ZFHX4: variants seen among roughly 807,000 people sequenced by gnomAD.
ZFHX4 encodes zinc finger homeobox protein 4.
A neutral mutation model predicts 267.6 loss-of-function variants in ZFHX4; 56 were observed. That is an observed-to-expected ratio of 0.21 (90% confidence interval 0.17 to 0.26). The LOEUF (loss-of-function observed/expected upper bound fraction) is 0.26. Ranked by LOEUF, ZFHX4 falls within the 10% of genes least tolerant of loss-of-function variation. ZFHX4 has a pLI of 1.00. For missense variants in ZFHX4, 4,332 were observed against 4,420.0 expected (o/e 0.98, Z 0.56); for synonymous variants, 1,778 against 1,665.6 (o/e 1.07, Z -1.64).
chr8:76,734,688 A>G (rs925496539), intron 3 of ZFHX4, among the ~76,000 whole-genome samples: 1 of 152,130 alleles, frequency 6.6e-6, no homozygotes, highest in African/African-American at 2.4e-5. Flanking sequence ...TTACATCTAC[A>G]TAAAATAAAG....
At chr8:76,818,434 G>A (rs537040514) in intron 4 of ZFHX4, among the ~76,000 whole-genome samples, 1 of 152,238 alleles carries the variant, frequency 6.6e-6, no homozygotes, top group East Asian at 1.9e-4. Flanking sequence ...TGAAGACCAA[G>A]CAAAGTTTGG....
At chr8:76,743,122 T>C (rs955463693) in intron 3 of ZFHX4, among the ~76,000 whole-genome samples, 6 of 152,114 alleles carry the variant, frequency 3.9e-5, no homozygotes, top group African/African-American at 1.4e-4. Flanking sequence ...AGGAGAAGAG[T>C]AGAATGTAAA....
chr8:76,841,961 C>T (rs902550632), intron 5 of ZFHX4, among the ~76,000 whole-genome samples: 1 of 152,124 alleles, frequency 6.6e-6, no homozygotes, highest in Non-Finnish European at 1.5e-5. Flanking sequence ...AGTGGCATAG[C>T]TAAGATTTAC....
Position 76,856,014 on chromosome 8 carries a change from C to T in ZFHX4, c.9093C>T (p.His3031=). 6 of 1,613,990 alleles carry T rather than the reference C, an allele frequency of 3.7e-6. No homozygotes were observed. Among genetic ancestry groups the T allele is most frequent in the Non-Finnish European group, 5.1e-6 (6 of 1,179,884 alleles). The stretch of plus-strand genomic sequence containing the variant: ...GAGATCACATTTTCTCCAAACAGCA[C>T]ATTTCAAAAGTGAGGGAGACCGTTG... ...SIRDHIFSKQ[H]ISKVRETVGS... Residue 3031 remains histidine (H), a synonymous_variant, in exon 10 of 11, where the codon CAC becomes CAT. Transcript: ENST00000651372.
chr8:76,806,992 G>C (rs1259738426), intron 4 of ZFHX4, among the ~76,000 whole-genome samples: 2 of 152,052 alleles, frequency 1.3e-5, no homozygotes, highest in African/African-American at 4.8e-5. Flanking sequence ...AGATCAGAGA[G>C]GCCTGTGACA....
Position 76,851,983 on chromosome 8 carries a change from C to A in ZFHX4, c.5062C>A (p.Pro1688Thr). The change falls in exon 10 of 11, where the codon CCA becomes ACA. Residue 1688 changes from proline to threonine, a missense_variant. This residue lies in a region of ZFHX4 where 1,371 missense variants were observed against 1,423.1 expected (regional missense o/e 0.96). Coordinates refer to ENST00000651372, the MANE Select transcript of ZFHX4 (RefSeq NM_024721.5). Reference protein sequence around the residue: ...LISAQPAHHPPQSPAQIQMQL... With the variant: ...LISAQPAHHPTQSPAQIQMQL... ...CTCTGCTCAACCTGCACATCACCCA[C>A]CACAGTCACCAGCACAAATTCAGAT... 6.2e-7 allele frequency: 1 copy of A among 1,614,010 alleles called. No homozygotes were observed. The highest frequency in any genetic ancestry group is 1.1e-5 in the South Asian group (1 of 91,078).
chr8:76,718,159 G>T (rs891519110), intron 3 of ZFHX4, among the ~76,000 whole-genome samples: 7 of 152,186 alleles, frequency 4.6e-5, no homozygotes, highest in African/African-American at 1.7e-4. Context: ...TATCAGAGAT[G>T]GAGAAGGAGG....
At chr8:76,858,413 T>C (rs2131969718) in intron 10 of ZFHX4, among the ~76,000 whole-genome samples, 1 of 152,312 alleles carries the variant, frequency 6.6e-6, no homozygotes, top group Middle Eastern at 3.4e-3. Context: ...TCTGCTGCTT[T>C]ATTAAATCGT....
intron 3 of ZFHX4, 176 bp downstream of exon 3, chr8:76,708,224 G>A: frequency 5.0e-6 from 4 of 803,718 alleles, no homozygotes; most frequent in Non-Finnish European, 7.7e-6. Flanking sequence ...GGAATTGAAG[G>A]CTTTATTTAT....
chr8:76,817,345 G>A (rs1481231799), intron 4 of ZFHX4, among the ~76,000 whole-genome samples: 2 of 152,030 alleles, frequency 1.3e-5, no homozygotes, highest in African/African-American at 4.8e-5. Flanking sequence ...CTTCTCATTT[G>A]TAGAAATGAT....
At position 76,848,993 on chromosome 8, in the gene ZFHX4, A is replaced by G. The variant is rs1219351360; in HGVS notation, c.3512-2A>G. ...AATTGTTCTATTCTTTTTGGGAATC[A>G]GGGATAATCACACCAGAGAAGGAAC... On this transcript the variant is annotated splice_acceptor_variant, in intron 6 of 10. Coordinates refer to ENST00000651372, the MANE Select transcript of ZFHX4 (RefSeq NM_024721.5). LOFTEE classifies it high-confidence loss of function. 2.0e-6 allele frequency: 3 copies of G among 1,510,362 alleles called. No homozygotes were observed. Among genetic ancestry groups the G allele is most frequent in the South Asian group, 2.6e-5 (2 of 77,068 alleles). 93.6% of individuals were successfully genotyped at this position (1,510,362 alleles called of 1,614,324 possible). A position where few individuals can be genotyped will look rare whatever the true frequency, so the allele number is the denominator to read the frequency against.
At chr8:76,844,334 G>T (rs947372996) in intron 6 of ZFHX4, among the ~76,000 whole-genome samples, 1 of 152,104 alleles carries the variant, frequency 6.6e-6, no homozygotes, top group African/African-American at 2.4e-5. Flanking sequence ...TTCTTCAGAA[G>T]AATGTATAAC....
intron 4 of ZFHX4, among the ~76,000 whole-genome samples, chr8:76,786,038 T>C (rs979263747): frequency 6.6e-6 from 1 of 152,146 alleles, no homozygotes; most frequent in African/African-American, 2.4e-5. Flanking sequence ...TATTATTTTA[T>C]TCCTATTTTA....
At chr8:76,788,867 T>A (rs1327692930) in intron 4 of ZFHX4, among the ~76,000 whole-genome samples, 3 of 152,248 alleles carry the variant, frequency 2.0e-5, no homozygotes, top group Non-Finnish European at 4.4e-5. Context: ...TTATGGTTAC[T>A]GTGCTGCTTA....
At chr8:76,722,714 GA>G (rs1265242017) in intron 3 of ZFHX4, among the ~76,000 whole-genome samples, 2 of 150,018 alleles carry the variant, frequency 1.3e-5, no homozygotes, top group African/African-American at 2.4e-5. Flanking sequence ...AAATAGCTTT[GA>G]AAAAAAAGGG....
Position 76,851,010 on chromosome 8 carries a change from T to C in ZFHX4, c.4089T>C (p.Asn1363=), listed in dbSNP as rs1812502175. 1 of 1,613,802 alleles carries C rather than the reference T, an allele frequency of 6.2e-7. No homozygotes were observed. Among genetic ancestry groups the C allele is most frequent in the Non-Finnish European group, 8.5e-7 (1 of 1,179,844 alleles). The change falls in exon 10 of 11, where the codon AAT becomes AAC. Residue 1363 remains asparagine, a synonymous_variant. Coordinates refer to ENST00000651372, the MANE Select transcript of ZFHX4 (RefSeq NM_024721.5). ...EPLEVSEWNK[N]SSKDVKIPDT... is the part of the protein sequence containing the mutation. ...TGGAAGTCTCAGAATGGAATAAAAA[T>C]AGCAGTAAGGATGTGAAAATCCCCG...
At chr8:76,830,313 G>A (rs1811901627) in intron 4 of ZFHX4, among the ~76,000 whole-genome samples, 1 of 152,124 alleles carries the variant, frequency 6.6e-6, no homozygotes, top group African/African-American at 2.4e-5. Context: ...TAGAATACTG[G>A]ATAAACTAAG....
intron 3 of ZFHX4, among the ~76,000 whole-genome samples, chr8:76,744,120 T>G (rs1364479874): frequency 6.6e-6 from 1 of 151,880 alleles, no homozygotes; most frequent in Middle Eastern, 3.2e-3. Context: ...CTGAGGTGGG[T>G]GGATCACCTG....
At chr8:76,850,065 A>T (rs190019683) in intron 8 of ZFHX4, 180 bp from the exon 9 acceptor site, 125 of 594,570 alleles carry the variant, frequency 2.1e-4, no homozygotes, top group Admixed American at 1.0e-3. Flanking sequence ...ATAATACAAC[A>T]TTGCCACAGC....
Sources: gnomAD v4.1 joint callset for allele counts (sites outside exome capture counted in the v4.1 genomes callset) on GRCh38, gnomAD v4.1.1 for gene constraint, gnomAD v4.1.1 regional missense constraint, MANE v1.5 for transcripts, NCBI Gene and HGNC (gene_info 2026-07-23, HGNC 2026-07-21) for gene names.